Variants in RPGRIP1L observed in about 807,000 individuals in gnomAD.
RPGRIP1L encodes the protein RPGRIP1 like.
Under a neutral mutation model 160.4 loss-of-function variants are expected in RPGRIP1L, and 131 were observed. The ratio of observed to expected loss-of-function variants is 0.82; its 90% CI spans 0.71 to 0.94. RPGRIP1L has a LOEUF of 0.94. Among genes scored for constraint, RPGRIP1L ranks in the 40% least tolerant of loss-of-function variants. RPGRIP1L has a pLI of 0.00. For synonymous variants in RPGRIP1L, 510 were observed against 515.8 expected, an observed-to-expected ratio of 0.99 and a Z score of 0.15; for missense variants, 1,522 against 1,535.8, an observed-to-expected ratio of 0.99 and a Z score of 0.15.
chr16:53,664,755 C>G, intron 10 of RPGRIP1L, 115 bp downstream of exon 10: 1 of 1,166,570 alleles, frequency 8.6e-7, no homozygotes, highest in Non-Finnish European at 1.3e-6. Context: ...GTGTCTGTCC[C>G]TCATACATTG....
chr16:53,652,525 T>G lies in RPGRIP1L; in HGVS notation c.2152+10A>C, dbSNP rs1966875026. On this transcript the variant is annotated intron_variant, in intron 15 of 26. Transcript: ENST00000647211. ...AATTCAAACACCCAAGGCTTATACA[T>G]TGTACTTACCAATCAAACTTGCTGT... 1 of 1,605,754 alleles carries G rather than the reference T, an allele frequency of 6.2e-7. No homozygotes were observed. Among genetic ancestry groups the G allele is most frequent in the African/African-American group, 1.3e-5 (1 of 74,884 alleles).
rs1964610940 is a variant in RPGRIP1L, at chr16:53,620,047, T to C, written c.3433-839A>G. 7.9e-5 allele frequency among the ~76,000 whole-genome samples: 12 copies of C among 152,166 alleles called. No homozygotes were observed. The South Asian group carries it at 2.5e-3, about 31-fold the overall frequency. On this transcript the variant is annotated intron_variant, in intron 23 of 26. Transcript: ENST00000647211. ...ACAATTTAAAGTTTGTCCTTTAGTA[T>C]CAAAATCCTATTTTACTAAATTCAG... is the stretch of plus-strand genomic sequence containing the variant.
At chr16:53,617,961 T>A (rs1199994063) in intron 24 of RPGRIP1L, among the ~76,000 whole-genome samples, 1 of 152,170 alleles carries the variant, frequency 6.6e-6, no homozygotes, top group Non-Finnish European at 1.5e-5. Context: ...TCCATTTTTA[T>A]GGTTTGTTTT....
chr16:53,686,410 G>A (rs369404021), intron 6 of RPGRIP1L, 23 bp downstream of exon 6: 2 of 1,609,328 alleles, frequency 1.2e-6, no homozygotes, highest in African/African-American at 1.3e-5. Context: ...CCTTATCAAA[G>A]TGATATTTCT....
In RPGRIP1L at chr16:53,599,854, A is replaced by G. The variant is rs922527970; in HGVS notation, c.*2222T>C. 1 of 152,258 alleles carries G rather than the reference A, an allele frequency of 6.6e-6. No individual in the cohort carries two copies. Among genetic ancestry groups the G allele is most frequent in the Non-Finnish European group, 1.5e-5 (1 of 68,044 alleles). The allele number at this position is 152,258 out of a possible 1,614,324, so 9.4% of individuals were successfully genotyped here. On this transcript the variant is annotated 3_prime_UTR_variant, in exon 27 of 27. Transcript: ENST00000647211. ...CGCCACTTCAAAATGTGTCAGCAGCAATTAGCTATGAAAATGAGTGTTGTG... is the reference window on the plus strand; with the variant it reads ...CGCCACTTCAAAATGTGTCAGCAGCGATTAGCTATGAAAATGAGTGTTGTG...
At chr16:53,622,022 CAAAAAAAAAAAAA>C (rs36057385) in intron 23 of RPGRIP1L, among the ~76,000 whole-genome samples, 184 bp downstream of exon 23, 8 of 24,134 alleles carry the variant, frequency 3.3e-4, no homozygotes, top group South Asian at 2.2e-3. Context: ...GACTCCGTCT[CAAAAAAAAAAAAA>C]AAAAAAAAAA....
At chr16:53,691,648 C>A (rs1161219420) in intron 4 of RPGRIP1L, among the ~76,000 whole-genome samples, 1 of 152,194 alleles carries the variant, frequency 6.6e-6, no homozygotes, top group Non-Finnish European at 1.5e-5. Context: ...TACCGCCATC[C>A]AATGAGAAAG....
rs190566840 is a variant in RPGRIP1L at position 53,601,807 on chromosome 16, G to A, written c.*269C>T. 2.4e-5 allele frequency: 8 copies of A among 327,382 alleles called. No homozygotes were observed. Among genetic ancestry groups the A allele is most frequent in the South Asian group, 1.1e-4 (2 of 17,614 alleles). 20.3% of individuals were successfully genotyped at this position (327,382 alleles called of 1,614,324 possible). ...TGAAAATGCAAATAGACTTTCTCAC[G>A]CTATCACGTAGGTATAAATTATTGA... On this transcript the variant is annotated 3_prime_UTR_variant, in exon 27 of 27. Coordinates refer to ENST00000647211, the MANE Select transcript of RPGRIP1L (RefSeq NM_015272.5).
intron 9 of RPGRIP1L, among the ~76,000 whole-genome samples, chr16:53,668,517 G>C (rs545616610): frequency 3.2e-4 from 48 of 152,238 alleles, no homozygotes; most frequent in Middle Eastern, 6.8e-3. Context: ...GAGTTGGATG[G>C]TATGGGGGCA....
At position 53,631,662 on chromosome 16, in the gene RPGRIP1L, A is replaced by T. The variant is rs1965528765; in HGVS notation, c.3294+4777T>A. ...ATCAAATTTATACTGTTAACTTCTGATTATTCAAATTAATAAAATATTCAT... is the reference window on the plus strand; with the variant it reads ...ATCAAATTTATACTGTTAACTTCTGTTTATTCAAATTAATAAAATATTCAT... On this transcript the variant is annotated intron_variant, in intron 22 of 26. Transcript: ENST00000647211. 3.3e-5 allele frequency among the ~76,000 whole-genome samples: 5 copies of T among 151,562 alleles called. No individual in the cohort carries two copies. The Admixed American group carries it at 3.4e-4, about 10-fold the overall frequency.
At chr16:53,627,050 A>C (rs1002362930) in intron 22 of RPGRIP1L, among the ~76,000 whole-genome samples, 2 of 152,066 alleles carry the variant, frequency 1.3e-5, no homozygotes, top group Non-Finnish European at 2.9e-5. Flanking sequence ...ATATTTTTCT[A>C]TGTGATCTAA....
chr16:53,643,240 G>A (rs1430798356), intron 17 of RPGRIP1L, among the ~76,000 whole-genome samples: 1 of 151,760 alleles, frequency 6.6e-6, no homozygotes, highest in East Asian at 1.9e-4. Flanking sequence ...CGTGGGAAGA[G>A]GAGGTTGCTG....
intron 14 of RPGRIP1L, chr16:53,655,378 T>C (rs1967164073): frequency 6.6e-6 from 1 of 151,962 alleles, no homozygotes; most frequent in Admixed American, 6.6e-5. Context: ...AAATATCAAT[T>C]AAGTATAACT....
At chr16:53,665,483 G>A (rs1968163997) in intron 9 of RPGRIP1L, among the ~76,000 whole-genome samples, 1 of 152,056 alleles carries the variant, frequency 6.6e-6, no homozygotes, top group South Asian at 2.1e-4. Context: ...GCCACAAAAT[G>A]ATAGCATATT....
At chr16:53,637,476 T>C (rs189024042) in intron 21 of RPGRIP1L, among the ~76,000 whole-genome samples, 86 of 152,314 alleles carry the variant, frequency 5.6e-4, no homozygotes, top group African/African-American at 2.0e-3. Context: ...ATAACACTTG[T>C]ATTCTATTGT....
At chr16:53,610,221 A>G (rs1402549884) in intron 25 of RPGRIP1L, among the ~76,000 whole-genome samples, 1 of 152,168 alleles carries the variant, frequency 6.6e-6, no homozygotes, top group Non-Finnish European at 1.5e-5. Flanking sequence ...ACTTTTTAAG[A>G]TCAGTTTTTT....
intron 4 of RPGRIP1L, among the ~76,000 whole-genome samples, chr16:53,690,946 C>T (rs1305253305): frequency 6.6e-6 from 1 of 152,176 alleles, no homozygotes. Context: ...TCTCACATAG[C>T]TAGGAGTAGC....
At chr16:53,699,201 T>TA (rs1201004151) in intron 2 of RPGRIP1L, among the ~76,000 whole-genome samples, 26 of 151,870 alleles carry the variant, frequency 1.7e-4, no homozygotes, top group African/African-American at 6.3e-4. Context: ...GCATGCTCGT[T>TA]AAGAGTCATC....
intron 9 of RPGRIP1L, among the ~76,000 whole-genome samples, chr16:53,667,444 G>C (rs1022069085): frequency 2.0e-5 from 3 of 152,180 alleles, no homozygotes; most frequent in Non-Finnish European, 4.4e-5. Context: ...CATCCATAAA[G>C]AAATCCACAG....
Sources: allele counts gnomAD v4.1 joint callset (sites outside exome capture counted in the v4.1 genomes callset), GRCh38; gene constraint gnomAD v4.1.1; transcripts MANE v1.5; gene names NCBI Gene and HGNC (gene_info 2026-07-23, HGNC 2026-07-21).